NRXN3: variants seen among roughly 807,000 people sequenced by gnomAD.
NRXN3 encodes the protein neurexin 3.
A neutral mutation model predicts 137.6 loss-of-function variants in NRXN3; 32 were observed. The observed-to-expected ratio is 0.23, with a 90% CI of 0.18 to 0.31. NRXN3 has a LOEUF of 0.31. Ranked by LOEUF, NRXN3 falls within the 10% of genes least tolerant of loss-of-function variation. The probability of loss-of-function intolerance (pLI) is 1.00; values close to 1 mark genes in which losing one functional copy is unlikely to be tolerated. For synonymous variants in NRXN3, 798 were observed against 784.5 expected (o/e 1.02, Z -0.29); for missense variants, 1,574 against 2,062.5 (o/e 0.76, Z 4.59).
At chr14:78,192,103 TGTGTGA>T (rs1555397108) in intron 1 of NRXN3, among the ~76,000 whole-genome samples, 134 of 137,674 alleles carry the variant, frequency 9.7e-4, no homozygotes, top group Admixed American at 3.5e-3. Flanking sequence ...TGTGTGTGTG[TGTGTGA>T]GAGAGAGAGC....
chr14:78,966,094 G>A lies in NRXN3; in HGVS notation c.2465G>A (p.Arg822His), dbSNP rs776175860. The A allele has an allele frequency of 2.0e-5, 32 of 1,614,036 alleles. No individual in the cohort carries two copies. Among genetic ancestry groups the A allele is most frequent in the South Asian group, 1.2e-4 (11 of 91,084 alleles). Residue 822 changes from arginine to histidine, a missense_variant, in exon 12 of 21, where the codon CGC (arginine) becomes CAC (histidine). By Grantham distance (29) the Arg-to-His change is conservative. Transcript: ENST00000335750. Reference protein sequence around the residue: ...NIETGIMTEKRYISVVPSSFI... With the variant: ...NIETGIMTEKHYISVVPSSFI... ...GAAACGGGAATCATGACTGAGAAAC[G>A]CTACATCTCCGTTGTCCCCTCCAGC...
chr14:79,639,788 G>C (rs1279951708), intron 16 of NRXN3, among the ~76,000 whole-genome samples: 1 of 152,164 alleles, frequency 6.6e-6, no homozygotes, highest in Non-Finnish European at 1.5e-5. Context: ...AGCATTTGCA[G>C]CCATGGAATC....
chr14:79,026,303 G>A (rs1032957998), intron 15 of NRXN3, among the ~76,000 whole-genome samples: 1 of 152,108 alleles, frequency 6.6e-6, no homozygotes, highest in Non-Finnish European at 1.5e-5. Flanking sequence ...CTGTCCTCTT[G>A]TAGTCTTGAG....
intron 19 of NRXN3, among the ~76,000 whole-genome samples, chr14:79,714,943 T>C (rs2154055881): frequency 6.6e-6 from 1 of 152,230 alleles, no homozygotes; most frequent in South Asian, 2.1e-4. Flanking sequence ...TGCTCTTAAA[T>C]CCTTTTCTTT....
At chr14:79,173,144 C>A (rs2061950494) in intron 15 of NRXN3, among the ~76,000 whole-genome samples, 1 of 152,046 alleles carries the variant, frequency 6.6e-6, no homozygotes, top group Admixed American at 6.6e-5. Context: ...ACTAGAGATA[C>A]AATCTAGTGA....
rs527571393 is a variant in NRXN3 at position 79,825,670 on chromosome 14, C to G, written c.4093+20480C>G. On this transcript the variant is annotated intron_variant, in intron 20 of 20. Transcript: ENST00000335750. ...AAAGTGTGTGACTTTGCTATTTTAC[C>G]TTAAACTGACTACTCTCTGAATAGA... Among the ~76,000 whole-genome samples, 6 of 152,204 alleles carry G rather than the reference C, an allele frequency of 3.9e-5. No individual in the cohort carries two copies. In the East Asian group the frequency reaches 7.7e-4, roughly 20 times the overall value.
chr14:78,509,131 C>G (rs2096056805), intron 4 of NRXN3, among the ~76,000 whole-genome samples: 1 of 152,048 alleles, frequency 6.6e-6, no homozygotes, highest in Non-Finnish European at 1.5e-5. Context: ...GAAACCTTGT[C>G]TCTACTAAAA....
chr14:79,046,770 A>T (rs1422939006), intron 15 of NRXN3, among the ~76,000 whole-genome samples: 1 of 152,222 alleles, frequency 6.6e-6, no homozygotes, highest in South Asian at 2.1e-4. Context: ...TACATGAGAT[A>T]AAACAGCCTA....
At chr14:78,487,520 A>AT (rs568818958) in intron 4 of NRXN3, among the ~76,000 whole-genome samples, 5 of 152,292 alleles carry the variant, frequency 3.3e-5, no homozygotes, top group Non-Finnish European at 7.4e-5. Context: ...AGGCAAGTGG[A>AT]TCACTTGAGG....
intron 15 of NRXN3, among the ~76,000 whole-genome samples, chr14:79,391,195 T>G (rs1404525745): frequency 2.0e-5 from 3 of 152,178 alleles, no homozygotes; most frequent in African/African-American, 7.2e-5. Context: ...TAGAGGATCT[T>G]AATATCTTAT....
chr14:79,098,420 G>A (rs1015109742), intron 15 of NRXN3, among the ~76,000 whole-genome samples: 5 of 152,066 alleles, frequency 3.3e-5, no homozygotes, highest in African/African-American at 1.2e-4. Flanking sequence ...ATCATCTCTT[G>A]GAGATGAAGC....
At chr14:78,433,039 G>A (rs2093946483) in intron 4 of NRXN3, among the ~76,000 whole-genome samples, 1 of 152,178 alleles carries the variant, frequency 6.6e-6, no homozygotes, top group African/African-American at 2.4e-5. Flanking sequence ...GCTTTGATGA[G>A]TCCCCCTCCT....
intron 6 of NRXN3, among the ~76,000 whole-genome samples, chr14:78,699,995 G>A (rs1014203217): frequency 5.3e-5 from 8 of 152,284 alleles, no homozygotes; most frequent in African/African-American, 1.7e-4. Flanking sequence ...CAACCAGAGG[G>A]CACAGAAGTA....
At chr14:79,076,040 CCTCGTGCAA>C (rs1264461426) in intron 15 of NRXN3, among the ~76,000 whole-genome samples, 3 of 152,134 alleles carry the variant, frequency 2.0e-5, no homozygotes, top group Non-Finnish European at 4.4e-5. Flanking sequence ...AATTCAAGCA[CCTCGTGCAA>C]CTTTGTGGTA....
At chr14:79,079,807 G>A (rs1444986486) in intron 15 of NRXN3, among the ~76,000 whole-genome samples, 1 of 152,062 alleles carries the variant, frequency 6.6e-6, no homozygotes, top group Non-Finnish European at 1.5e-5. Context: ...GACTAACATG[G>A]AGAAACCCTG....
chr14:78,248,866 C>T, intron 2 of NRXN3, among the ~76,000 whole-genome samples: 1 of 152,126 alleles, frequency 6.6e-6, no homozygotes, highest in East Asian at 1.9e-4. Flanking sequence ...GACTTGATTC[C>T]CCACCCAGCA....
intron 16 of NRXN3, among the ~76,000 whole-genome samples, chr14:79,600,217 T>C (rs967767345): frequency 1.3e-5 from 2 of 152,188 alleles, no homozygotes; most frequent in African/African-American, 2.4e-5. Flanking sequence ...TGTCTACTTA[T>C]AGGAGTATGC....
intron 15 of NRXN3, among the ~76,000 whole-genome samples, chr14:79,065,066 A>T (rs373358370): frequency 1.3e-5 from 2 of 152,030 alleles, no homozygotes; most frequent in African/African-American, 4.8e-5. Flanking sequence ...CGTTTAAAAT[A>T]TGTATTTACA....
chr14:79,124,294 C>T (rs544486530), intron 15 of NRXN3, among the ~76,000 whole-genome samples: 3 of 152,172 alleles, frequency 2.0e-5, no homozygotes, highest in Non-Finnish European at 4.4e-5. Context: ...AAAAGGCTCT[C>T]TGGCTGGCAA....
Sources: gnomAD v4.1 joint callset for allele counts (sites outside exome capture counted in the v4.1 genomes callset) on GRCh38, gnomAD v4.1.1 for gene constraint, MANE v1.5 for transcripts, NCBI Gene and HGNC (gene_info 2026-07-23, HGNC 2026-07-21) for gene names.